The following CRYL1 variants were observed in gnomAD, a reference collection of about 807,000 sequenced individuals.
CRYL1 encodes lambda-crystallin homolog.
In CRYL1, 29 loss-of-function variants were observed where a neutral mutation model predicts 36.6. That is an observed-to-expected ratio of 0.79 (90% confidence interval 0.59 to 1.08). The LOEUF (loss-of-function observed/expected upper bound fraction) is 1.08, where lower values mean the gene tolerates loss of function less well. CRYL1 is among the 50% of genes least tolerant of loss of function. CRYL1 has a pLI of 0.00. For missense variants in CRYL1, 411 were observed against 407.9 expected, an observed-to-expected ratio of 1.01 and a Z score of -0.06; for synonymous variants, 152 against 151.5, an observed-to-expected ratio of 1.00 and a Z score of -0.02.
At chr13:20,448,296 C>G (rs2032498589) in intron 3 of CRYL1, among the ~76,000 whole-genome samples, 1 of 152,090 alleles carries the variant, frequency 6.6e-6, no homozygotes. Flanking sequence ...TCCAAGACTT[C>G]CAGTGAAAGT....
intron 5 of CRYL1, among the ~76,000 whole-genome samples, chr13:20,427,898 T>C (rs181214572): frequency 6.8e-4 from 103 of 151,886 alleles, no homozygotes; most frequent in African/African-American, 2.4e-3. Flanking sequence ...AACTTTATGC[T>C]CTTAAGTTCA....
intron 3 of CRYL1, among the ~76,000 whole-genome samples, chr13:20,460,804 C>G (rs956772315): frequency 6.6e-6 from 1 of 152,128 alleles, no homozygotes; most frequent in Admixed American, 6.5e-5. Flanking sequence ...GGATTACAGA[C>G]GTGAGCCACT....
intron 3 of CRYL1, among the ~76,000 whole-genome samples, chr13:20,441,473 A>G (rs1342249216): frequency 2.6e-5 from 4 of 152,166 alleles, no homozygotes; most frequent in Non-Finnish European, 4.4e-5. Context: ...CCAGCTACTC[A>G]GGGATAAACA....
At chr13:20,494,938 T>C (rs566056670) in intron 2 of CRYL1, among the ~76,000 whole-genome samples, 4 of 152,234 alleles carry the variant, frequency 2.6e-5, no homozygotes, top group Admixed American at 2.0e-4. Context: ...CATGAACCCA[T>C]CAGCCAACTG....
At chr13:20,441,002 C>A (rs2032339474) in intron 3 of CRYL1, among the ~76,000 whole-genome samples, 1 of 152,120 alleles carries the variant, frequency 6.6e-6, no homozygotes, top group South Asian at 2.1e-4. Flanking sequence ...GGAAGCACAC[C>A]AGGTGGAAGA....
At chr13:20,418,777 C>A (rs373091355) in intron 5 of CRYL1, 1 of 152,200 alleles carries the variant, frequency 6.6e-6, no homozygotes, top group African/African-American at 2.4e-5. Context: ...ACTACTATCA[C>A]CAGCAGGAAC....
intron 2 of CRYL1, among the ~76,000 whole-genome samples, chr13:20,496,099 C>G (rs2033600653): frequency 6.6e-6 from 1 of 152,172 alleles, no homozygotes; most frequent in South Asian, 2.1e-4. Flanking sequence ...CCTCGCCCGG[C>G]CTAGGATGAA....
chr13:20,463,889 A>G (rs968530865), intron 3 of CRYL1, among the ~76,000 whole-genome samples: 6 of 152,208 alleles, frequency 3.9e-5, no homozygotes, highest in South Asian at 2.1e-4. Context: ...CTGCCTGTCT[A>G]CGTCCATGCA....
chr13:20,434,352 G>A (rs2032154140), intron 4 of CRYL1, among the ~76,000 whole-genome samples: 1 of 151,842 alleles, frequency 6.6e-6, no homozygotes, highest in South Asian at 2.1e-4. Flanking sequence ...TCTGTAAAAC[G>A]CACCAATCAG....
chr13:20,509,068 C>T (rs993358184), intron 2 of CRYL1, among the ~76,000 whole-genome samples: 2 of 151,640 alleles, frequency 1.3e-5, no homozygotes, highest in African/African-American at 4.9e-5. Flanking sequence ...GTGGCTTGTG[C>T]CTGTAATCTC....
intron 3 of CRYL1, among the ~76,000 whole-genome samples, chr13:20,473,783 A>G (rs886769820): frequency 3.3e-5 from 5 of 152,228 alleles, no homozygotes; most frequent in Admixed American, 2.6e-4. Flanking sequence ...AAGACTCAAG[A>G]TAACTCATTT....
intron 4 of CRYL1, among the ~76,000 whole-genome samples, chr13:20,434,620 C>T (rs554657758): frequency 6.9e-6 from 1 of 144,762 alleles, no homozygotes; most frequent in Non-Finnish European, 1.5e-5. Flanking sequence ...CCCACCCACA[C>T]CCCTACACCC....
intron 2 of CRYL1, among the ~76,000 whole-genome samples, chr13:20,508,356 C>G (rs1388142771): frequency 6.6e-6 from 1 of 152,184 alleles, no homozygotes; most frequent in African/African-American, 2.4e-5. Context: ...CTTTAATACA[C>G]AAATGTGGGA....
Position 20,481,762 on chromosome 13 carries a change from T to A in CRYL1, c.276+7608A>T, listed in dbSNP as rs1266592905. ...CCCGTCTCTACTAAAAATACAAAAC[T>A]TAGCCCGGCATGGTGGTGGGCGCCT... On this transcript the variant is annotated intron_variant, in intron 3 of 7. Coordinates refer to ENST00000298248, the MANE Select transcript of CRYL1 (RefSeq NM_015974.3). The surrounding 1 kb of genome is among the most constrained non-coding windows in gnomAD (Gnocchi z 4.1). 3.3e-5 allele frequency among the ~76,000 whole-genome samples: 5 copies of A among 151,838 alleles called. No individual in the cohort carries two copies. Among genetic ancestry groups the A allele is most frequent in the Admixed American group, 6.6e-5 (1 of 15,236 alleles).
At chr13:20,438,668 C>T (rs1245893229) in intron 4 of CRYL1, among the ~76,000 whole-genome samples, 1 of 152,178 alleles carries the variant, frequency 6.6e-6, no homozygotes, top group African/African-American at 2.4e-5. Context: ...TTCATCAGCC[C>T]AACTAGGTCC....
At chr13:20,486,794 T>C (rs558298413) in intron 3 of CRYL1, among the ~76,000 whole-genome samples, 1 of 152,296 alleles carries the variant, frequency 6.6e-6, no homozygotes, top group Admixed American at 6.5e-5. Context: ...GTGCCAACCA[T>C]GTACAGAACG....
chr13:20,435,054 G>A lies in CRYL1; in HGVS notation c.439-2758C>T, dbSNP rs2032178514. ...CAGAAAGCTAGGTTCAGGTGCCGCGGCTGGGGTGGAGCTGTGGAAAGTTAG... is the reference window on the plus strand; with the variant it reads ...CAGAAAGCTAGGTTCAGGTGCCGCGACTGGGGTGGAGCTGTGGAAAGTTAG... On this transcript the variant is annotated intron_variant, in intron 4 of 7. Transcript: ENST00000298248. The surrounding 1 kb of genome is among the most constrained non-coding windows in gnomAD (Gnocchi z 4.0). Among the ~76,000 whole-genome samples the A allele has an allele frequency of 1.3e-5, 2 of 152,098 alleles. No individual in the cohort carries two copies. The highest frequency in any genetic ancestry group is 4.1e-4 in the South Asian group (2 of 4,822).
chr13:20,484,009 C>G (rs947728460), intron 3 of CRYL1, among the ~76,000 whole-genome samples: 8 of 152,144 alleles, frequency 5.3e-5, no homozygotes, highest in African/African-American at 9.7e-5. Flanking sequence ...GTAGAGACAG[C>G]ATTTCACCGT....
Position 20,466,315 on chromosome 13 carries a change from G to C in CRYL1, c.276+23055C>G, listed in dbSNP as rs140584434. 1.3e-3 allele frequency among the ~76,000 whole-genome samples: 196 copies of C among 152,264 alleles called. 1 individual carries two copies. The highest frequency in any genetic ancestry group is 4.4e-3 in the African/African-American group (182 of 41,546). ...AATAAAGGAAAAGATGGGTAAATTT[G>C]ACTGCATTGAAAAAATTTTTAAGTA... is the stretch of plus-strand genomic sequence containing the variant. On this transcript the variant is annotated intron_variant, in intron 3 of 7. Transcript: ENST00000298248.
Sources: gnomAD v4.1 joint callset for allele counts (sites outside exome capture counted in the v4.1 genomes callset) on GRCh38, gnomAD v4.1.1 for gene constraint, Gnocchi (gnomAD v3.1) non-coding constraint, MANE v1.5 for transcripts, NCBI Gene and HGNC (gene_info 2026-07-23, HGNC 2026-07-21) for gene names.